The following FAM120C variants were observed in gnomAD, a reference collection of about 807,000 sequenced individuals.
FAM120C encodes constitutive coactivator of PPAR-gamma-like protein 2.
Under a neutral mutation model 71.2 loss-of-function variants are expected in FAM120C, and 14 were observed. That is an observed-to-expected ratio of 0.20 (90% CI 0.13 to 0.31). The LOEUF is 0.31. Among genes scored for constraint, FAM120C ranks in the 10% least tolerant of loss-of-function variants. The probability of loss-of-function intolerance (pLI) is 1.00; values close to 1 mark genes in which losing one functional copy is unlikely to be tolerated. For synonymous variants in FAM120C, 354 were observed against 353.2 expected (o/e 1.00, Z -0.03); for missense variants, 500 against 879.0 (o/e 0.57, Z 5.45).
intron 1 of FAM120C, among the ~76,000 whole-genome samples, chrX:54,173,513 G>A (rs781919310): frequency 8.9e-6 from 1 of 112,642 alleles, no homozygotes; most frequent in South Asian, 3.6e-4. Flanking sequence ...CTCCCAAAGT[G>A]CTGGGATTAC....
chrX:54,100,720 G>A (rs1404509670), intron 10 of FAM120C, among the ~76,000 whole-genome samples: 2 of 111,802 alleles, frequency 1.8e-5, no homozygotes, highest in African/African-American at 6.5e-5. Context: ...CTTAGAGTTG[G>A]AGAATAATCT....
At chrX:54,182,129 G>A (rs1288046803) in intron 1 of FAM120C, among the ~76,000 whole-genome samples, 1 of 112,294 alleles carries the variant, frequency 8.9e-6, no homozygotes, top group Non-Finnish European at 1.9e-5. Flanking sequence ...ACTGGCAAAA[G>A]CAGGGTAAAG....
chrX:54,079,193 C>T (rs1813143887), intron 15 of FAM120C, among the ~76,000 whole-genome samples: 1 of 101,087 alleles, frequency 9.9e-6, no homozygotes, highest in African/African-American at 3.7e-5. Flanking sequence ...ACCCGGGAGG[C>T]GGAGCTCCCA....
chrX:54,100,702 C>G, intron 10 of FAM120C, among the ~76,000 whole-genome samples: 1 of 111,722 alleles, frequency 9.0e-6, no homozygotes, highest in Non-Finnish European at 1.9e-5. Flanking sequence ...ACATACAAAA[C>G]AAAAGATCTT....
At chrX:54,107,262 A>G (rs1276001843) in intron 10 of FAM120C, among the ~76,000 whole-genome samples, 1 of 108,752 alleles carries the variant, frequency 9.2e-6, no homozygotes, top group Non-Finnish European at 1.9e-5. Flanking sequence ...ATGCCTGGCT[A>G]ATTTTTGTAT....
rs1245774903 is a variant in FAM120C at position 54,131,599 on chromosome X, C to T, written c.2062+1093G>A. Among the ~76,000 whole-genome samples the T allele has an allele frequency of 5.4e-5, 6 of 110,926 alleles. No homozygotes were observed. The East Asian group carries it at 8.5e-4, about 16-fold the overall frequency. On this transcript the variant is annotated intron_variant, in intron 9 of 15. Coordinates refer to ENST00000375180, the MANE Select transcript of FAM120C (RefSeq NM_017848.6). The stretch of plus-strand genomic sequence containing the variant: ...GATTACAGGCATGCGCCACCATGCC[C>T]GGCTAATTTTGTATTTTGGGTAGAA...
At chrX:54,108,380 C>G (rs1291937339) in intron 10 of FAM120C, among the ~76,000 whole-genome samples, 1 of 110,156 alleles carries the variant, frequency 9.1e-6, no homozygotes, top group African/African-American at 3.3e-5. Flanking sequence ...AAATTCAATT[C>G]AATGACAAAA....
At position 54,085,766 on chromosome X, in the gene FAM120C, C is replaced by T. The variant is rs993349162; in HGVS notation, c.2788G>A (p.Ala930Thr). The T allele has an allele frequency of 6.6e-6, 8 of 1,209,557 alleles. 1 individual carries two copies. In the Middle Eastern group the frequency reaches 9.3e-4, roughly 140 times the overall value. The change falls in exon 13 of 16, where the codon GCT becomes ACT. Residue 930 changes from alanine to threonine, a missense_variant. By Grantham distance (58) the Ala-to-Thr change is moderately conservative. Coordinates refer to ENST00000375180, the MANE Select transcript of FAM120C (RefSeq NM_017848.6). ...SLYPVSLYSRAMGSMPLPPQG... is the reference protein window; with the variant it reads ...SLYPVSLYSRTMGSMPLPPQG... Reference sequence around the variant, plus strand: ...GGGGGAAGTGGCATGGAGCCCATAGCTCGGGAATAAAGTGAAACAGGGTAG... The same window carrying T: ...GGGGGAAGTGGCATGGAGCCCATAGTTCGGGAATAAAGTGAAACAGGGTAG...
Position 54,135,518 on chromosome X carries a change from G to T in FAM120C, c.1335+10C>A. ...CTAATGCTATCTCAGGCTTCTTAAA[G>T]GATGCTTACCATTGGCTTTCCAGCA... is the stretch of plus-strand genomic sequence containing the variant. On this transcript the variant is annotated intron_variant, in intron 6 of 15. Coordinates refer to ENST00000375180, the MANE Select transcript of FAM120C (RefSeq NM_017848.6). 8.3e-7 allele frequency: 1 copy of T among 1,203,838 alleles called. No homozygotes were observed. Among genetic ancestry groups the T allele is most frequent in the South Asian group, 1.8e-5 (1 of 56,037 alleles).
chrX:54,133,715 AG>A, intron 8 of FAM120C, 57 bp downstream of exon 8: 1 of 1,121,839 alleles, frequency 8.9e-7, no homozygotes, highest in Admixed American at 2.3e-5. Flanking sequence ...TTACAGTCCT[AG>A]GAAGTAGGAA....
chrX:54,104,484 T>G (rs1411992067), intron 10 of FAM120C, among the ~76,000 whole-genome samples: 2 of 111,892 alleles, frequency 1.8e-5, no homozygotes, highest in Non-Finnish European at 3.8e-5. Flanking sequence ...TTGTTAAAAC[T>G]GCATTTTTTT....
chrX:54,182,983 C>A lies in FAM120C; in HGVS notation c.216G>T (p.Leu72Phe), dbSNP rs1557137797. ...GCCCCGCGCCCCCGGAGTAGGCACC[C>A]AAGGCAGCGGGCGGAAGCGGCGGTT... Reference protein sequence around the residue: ...PLQPPLPPAALGAYSGGAGPT... With the variant: ...PLQPPLPPAAFGAYSGGAGPT... Residue 72 changes from leucine to phenylalanine, a missense_variant, in exon 1 of 16, where the codon TTG (leucine) becomes TTT (phenylalanine). Physicochemically the swap from Leu to Phe is conservative, Grantham distance 22. Coordinates refer to ENST00000375180, the MANE Select transcript of FAM120C (RefSeq NM_017848.6). 8.6e-7 allele frequency: 1 copy of A among 1,161,460 alleles called. No individual in the cohort carries two copies. The highest frequency in any genetic ancestry group is 2.6e-5 in the Admixed American group (1 of 38,524).
chrX:54,154,337 G>C (rs2067199043), intron 3 of FAM120C, among the ~76,000 whole-genome samples: 1 of 109,954 alleles, frequency 9.1e-6, no homozygotes, highest in Non-Finnish European at 1.9e-5. Flanking sequence ...GCTGAGTGCA[G>C]TGGCTCACAC....
chrX:54,182,065 C>A (rs1569534118), intron 1 of FAM120C, among the ~76,000 whole-genome samples: 1 of 111,947 alleles, frequency 8.9e-6, no homozygotes, highest in African/African-American at 3.2e-5. Flanking sequence ...TCAGTTCACA[C>A]CTGCTTAAGT....
chrX:54,115,119 A>G (rs1733236769), intron 10 of FAM120C, among the ~76,000 whole-genome samples: 1 of 111,829 alleles, frequency 8.9e-6, no homozygotes, highest in Admixed American at 9.7e-5. Flanking sequence ...AGAACACTAT[A>G]TATAAAGTTT....
intron 4 of FAM120C, among the ~76,000 whole-genome samples, chrX:54,140,723 G>A (rs1417423631): frequency 9.1e-6 from 1 of 109,589 alleles, no homozygotes; most frequent in Non-Finnish European, 1.9e-5. Context: ...GGAGGCCGAG[G>A]CAGGCGGATC....
chrX:54,162,957 A>G (rs1460053295), intron 1 of FAM120C, among the ~76,000 whole-genome samples: 1 of 112,181 alleles, frequency 8.9e-6, no homozygotes, highest in Non-Finnish European at 1.9e-5. Flanking sequence ...AATGCCCATC[A>G]AAACCAAAAT....
At chrX:54,129,259 T>G (rs1171768467) in intron 9 of FAM120C, among the ~76,000 whole-genome samples, 5 of 89,754 alleles carry the variant, frequency 5.6e-5, no homozygotes, top group Non-Finnish European at 1.1e-4. Flanking sequence ...TCCTCACTTC[T>G]CAGACGGGGC....
chrX:54,084,875 T>A (rs1315393245), intron 13 of FAM120C, among the ~76,000 whole-genome samples: 2 of 111,952 alleles, frequency 1.8e-5, no homozygotes, highest in African/African-American at 6.5e-5. Flanking sequence ...TATGTGTGTG[T>A]GTGTGTATGT....
Sources: gnomAD v4.1 joint callset for allele counts (sites outside exome capture counted in the v4.1 genomes callset) on GRCh38, gnomAD v4.1.1 for gene constraint, MANE v1.5 for transcripts, NCBI Gene and HGNC (gene_info 2026-07-23, HGNC 2026-07-21) for gene names.